SEMA3D: variants seen among roughly 807,000 people sequenced by gnomAD.
The protein encoded by SEMA3D is semaphorin 3D, also known as semaphorin-3D.
Under a neutral mutation model 100.1 loss-of-function variants are expected in SEMA3D, and 84 were observed. The observed-to-expected ratio is 0.84, with a 90% CI of 0.70 to 1.01. The LOEUF is 1.01. SEMA3D is among the 50% of genes least tolerant of loss of function. SEMA3D has a pLI of 0.00. For missense variants in SEMA3D, 875 were observed against 934.1 expected (o/e 0.94, Z 0.82); for synonymous variants, 312 against 320.7 (o/e 0.97, Z 0.29).
At chr7:85,086,368 A>G (rs2116258270) in intron 4 of SEMA3D, among the ~76,000 whole-genome samples, 1 of 152,014 alleles carries the variant, frequency 6.6e-6, no homozygotes, top group East Asian at 1.9e-4. Context: ...TTCCTAATTG[A>G]TAAAGAATTT....
In SEMA3D at chr7:85,065,434, G is replaced by C. The variant is rs991725034; in HGVS notation, c.708C>G (p.Tyr236Ter). ...AAAAAAATCACAAACCATTGAGCCAGTAGTGCTCTGAAATGTCAGTTCTGA... is the reference window on the plus strand; with the variant it reads ...AAAAAAATCACAAACCATTGAGCCACTAGTGCTCTGAAATGTCAGTTCTGA... ...HYIRTDISEH[Y>*]WLNGAKFIGT... Residue 236 changes from tyrosine (Y) to a stop codon, truncating the protein, a stop_gained, in exon 8 of 19, where the codon TAC becomes TAG. Transcript: ENST00000284136. LOFTEE classifies it high-confidence loss of function. 13 of 1,613,318 alleles carry C rather than the reference G, an allele frequency of 8.1e-6. No homozygotes were observed. The highest frequency in any genetic ancestry group is 1.1e-5 in the Non-Finnish European group (13 of 1,179,482).
At chr7:85,128,133 CTA>C (rs1262862269) in intron 2 of SEMA3D, among the ~76,000 whole-genome samples, 1 of 150,976 alleles carries the variant, frequency 6.6e-6, no homozygotes, top group Non-Finnish European at 1.5e-5. Flanking sequence ...TAAGAATTAA[CTA>C]TGTTTTTATT....
At chr7:85,049,025 T>TC (rs1198113865) in intron 9 of SEMA3D, among the ~76,000 whole-genome samples, 1 of 151,822 alleles carries the variant, frequency 6.6e-6, no homozygotes, top group African/African-American at 2.4e-5. Flanking sequence ...AGTTTTTTTT[T>TC]CCCACTTCTG....
intron 5 of SEMA3D, among the ~76,000 whole-genome samples, chr7:85,079,111 C>A (rs1178351175): frequency 1.3e-5 from 2 of 152,116 alleles, no homozygotes; most frequent in Admixed American, 1.3e-4. Context: ...TTACCAGATG[C>A]ATGATATTGG....
At chr7:85,011,262 C>G (rs1789945285) in intron 17 of SEMA3D, among the ~76,000 whole-genome samples, 1 of 151,698 alleles carries the variant, frequency 6.6e-6, no homozygotes, top group African/African-American at 2.4e-5. Context: ...GGAGTTAGAG[C>G]TTAAGTAAAA....
intron 1 of SEMA3D, among the ~76,000 whole-genome samples, chr7:85,171,670 C>T (rs1791086730): frequency 6.6e-6 from 1 of 151,608 alleles, no homozygotes; most frequent in Admixed American, 6.6e-5. Context: ...ATGTCGCCCA[C>T]AAAATAATTA....
At chr7:85,003,608 TGTA>T (rs1217197015) in intron 18 of SEMA3D, among the ~76,000 whole-genome samples, 2 of 134,920 alleles carry the variant, frequency 1.5e-5, no homozygotes, top group African/African-American at 2.7e-5. Context: ...ATAAAATAAA[TGTA>T]TATGTATAAC....
At chr7:85,116,102 G>A (rs1330125366) in intron 3 of SEMA3D, among the ~76,000 whole-genome samples, 3 of 151,400 alleles carry the variant, frequency 2.0e-5, no homozygotes, top group East Asian at 1.9e-4. Context: ...TCATGAATAT[G>A]TTTGTGAAGT....
chr7:85,120,747 C>A (rs979780624), intron 3 of SEMA3D, among the ~76,000 whole-genome samples: 1 of 151,000 alleles, frequency 6.6e-6, no homozygotes, highest in Non-Finnish European at 1.5e-5. Context: ...TCAATTTTTC[C>A]AGATAAAAAC....
the SEMA3D span, among the ~76,000 whole-genome samples, chr7:85,238,392 A>C: frequency 6.6e-6 from 1 of 152,140 alleles, no homozygotes; most frequent in South Asian, 2.1e-4. Context: ...AAGGGTGTAA[A>C]ATCTGCAGGT....
In SEMA3D at chr7:84,999,555, C is replaced by T. The variant is rs1259776103; in HGVS notation, c.2219G>A (p.Arg740Gln). Residue 740 changes from arginine to glutamine, a missense_variant, in exon 19 of 19, where the codon CGG (arginine) becomes CAG (glutamine). Arg to Gln is a conservative substitution (Grantham distance 43, BLOSUM62 1). Transcript: ENST00000284136. ...YCEQMWHREK[R>Q]RQRNKGGPKW... ...TGGGCCCCCCTTGTTTCTCTGTCTC[C>T]GCTTCTCCCTGTGCCACATCTGTTC... 9.9e-6 allele frequency: 16 copies of T among 1,613,958 alleles called. No homozygotes were observed. The highest frequency in any genetic ancestry group is 5.3e-5 in the African/African-American group (4 of 74,906).
At chr7:85,087,356 G>T (rs892705340) in intron 4 of SEMA3D, among the ~76,000 whole-genome samples, 1 of 152,194 alleles carries the variant, frequency 6.6e-6, no homozygotes, top group Non-Finnish European at 1.5e-5. Flanking sequence ...TTGGTGGGTT[G>T]TGGTCTTTGG....
At chr7:85,224,446 G>A in the SEMA3D span, among the ~76,000 whole-genome samples, 1 of 152,078 alleles carries the variant, frequency 6.6e-6, no homozygotes, top group Non-Finnish European at 1.5e-5. Context: ...ATGGAACTAT[G>A]TAATAGGAAA....
chr7:85,212,350 G>A, the SEMA3D span, among the ~76,000 whole-genome samples: 8 of 152,180 alleles, frequency 5.3e-5, no homozygotes, highest in South Asian at 2.1e-4. Flanking sequence ...TCTCAAATGC[G>A]GACATGCCAT....
At chr7:85,207,275 T>G in the SEMA3D span, among the ~76,000 whole-genome samples, 1 of 152,084 alleles carries the variant, frequency 6.6e-6, no homozygotes. Flanking sequence ...GAGGACAGGC[T>G]TTATAACTGC....
chr7:85,094,093 T>C (rs534096223), intron 4 of SEMA3D, among the ~76,000 whole-genome samples: 2 of 151,976 alleles, frequency 1.3e-5, no homozygotes, highest in Non-Finnish European at 2.9e-5. Flanking sequence ...ATCTATTTTA[T>C]GAAGAATAAA....
intron 3 of SEMA3D, among the ~76,000 whole-genome samples, chr7:85,101,168 A>T (rs1006693563): frequency 2.0e-5 from 3 of 152,002 alleles, no homozygotes; most frequent in Non-Finnish European, 4.4e-5. Flanking sequence ...CATTTCACAC[A>T]AACCTTATTT....
At chr7:85,209,842 A>AT in the SEMA3D span, among the ~76,000 whole-genome samples, 3 of 152,036 alleles carry the variant, frequency 2.0e-5, no homozygotes, top group Non-Finnish European at 4.4e-5. Flanking sequence ...ATTAAAACAC[A>AT]TTTTTTTAAA....
chr7:85,053,353 C>T (rs2190211), intron 9 of SEMA3D, among the ~76,000 whole-genome samples: 38,685 of 151,628 alleles, frequency 0.26, 5,019 homozygotes, highest in Non-Finnish European at 0.3. Flanking sequence ...TCTGTTATTA[C>T]TTGTCAAAAG....
Sources: gnomAD v4.1 joint callset for allele counts (sites outside exome capture counted in the v4.1 genomes callset) on GRCh38, gnomAD v4.1.1 for gene constraint, MANE v1.5 for transcripts, NCBI Gene and HGNC (gene_info 2026-07-23, HGNC 2026-07-21) for gene names.